SHOC1: variants seen among roughly 807,000 people sequenced by gnomAD.
The protein encoded by SHOC1 is protein shortage in chiasmata 1 ortholog.
In SHOC1, 136 loss-of-function variants were observed where a neutral mutation model predicts 179.2. The ratio of observed to expected loss-of-function variants is 0.76; its 90% confidence interval spans 0.66 to 0.87. The LOEUF is 0.87. Among genes scored for constraint, SHOC1 ranks in the 40% least tolerant of loss-of-function variants. The pLI is 0.00. For synonymous variants in SHOC1, 489 were observed against 586.6 expected (o/e 0.83, Z 2.41); for missense variants, 1,538 against 1,700.8 (o/e 0.90, Z 1.68).
chr9:111,748,233 T>A, intron 8 of SHOC1, 34 bp from the exon 9 acceptor site: 1 of 1,415,896 alleles, frequency 7.1e-7, no homozygotes. Flanking sequence ...TTAGCAAATG[T>A]ACCATTAAAT....
chr9:111,692,258 G>C lies in SHOC1; in HGVS notation c.3719C>G (p.Ser1240Ter). 6.2e-7 allele frequency: 1 copy of C among 1,613,692 alleles called. No individual in the cohort carries two copies. The highest frequency in any genetic ancestry group is 8.5e-7 in the Non-Finnish European group (1 of 1,179,712). ...TGAAGTCACAGGTGGTAAAAAACTT[G>C]AGATTTCTTTTAGTTCCATAATGGA... is the stretch of plus-strand genomic sequence containing the variant. ...NSSIMELKEI[S>*]SFLPPVTSYN... Residue 1240 changes from serine (S) to a stop codon, truncating the protein, a stop_gained, in exon 27 of 28, where the codon TCA becomes TGA. Transcript: ENST00000682961. LOFTEE classifies it high-confidence loss of function.
chr9:111,724,977 C>T (rs951485231), intron 13 of SHOC1, among the ~76,000 whole-genome samples: 1 of 151,802 alleles, frequency 6.6e-6, no homozygotes, highest in Non-Finnish European at 1.5e-5. Context: ...TTTCTTCTTT[C>T]CTAAGTATTA....
At chr9:111,791,332 C>A in intron 2 of SHOC1, 42 bp downstream of exon 2, 1 of 1,204,586 alleles carries the variant, frequency 8.3e-7, no homozygotes, top group South Asian at 2.0e-5. Flanking sequence ...CTTCTTACAT[C>A]ATAATTCTCA....
chr9:111,741,489 T>TG lies in SHOC1; in HGVS notation c.1160dup (p.Phe388IlefsTer27). 1 of 1,607,768 alleles carries TG rather than the reference T, an allele frequency of 6.2e-7. No individual in the cohort carries two copies. Among genetic ancestry groups the TG allele is most frequent in the Non-Finnish European group, 8.5e-7 (1 of 1,175,166 alleles). ...ATTAATCTTTACCTGTAAGCAAAAA[T>TG]GGGTTCAAAGGGCTTCTACATCTTT... is the stretch of plus-strand genomic sequence containing the variant. On this transcript the variant is annotated frameshift_variant, in exon 11 of 28. Coordinates refer to ENST00000682961, the MANE Select transcript of SHOC1 (RefSeq NM_001378211.1). LOFTEE classifies it high-confidence loss of function.
chr9:111,788,732 T>C (rs1836349807), intron 2 of SHOC1, among the ~76,000 whole-genome samples: 1 of 152,254 alleles, frequency 6.6e-6, no homozygotes, highest in South Asian at 2.1e-4. Context: ...TTATTTCCTT[T>C]GTTACAACCA....
Position 111,727,805 on chromosome 9 carries a change from G to T in SHOC1, c.1662C>A (p.Cys554Ter), listed in dbSNP as rs1833370952. The change falls in exon 13 of 28, where the codon TGC becomes TGA. Residue 554 changes from cysteine (C) to a stop codon, truncating the protein, a stop_gained. Transcript: ENST00000682961. LOFTEE classifies it high-confidence loss of function. ...AAGGTGATTTAATAGATGGTCCTGT[G>T]CAGTCAAGTTCAAAGTGATCGTTAT... ...KENNDHFELD[C>*]TGPSIKSPSS... The T allele has an allele frequency of 6.2e-7, 1 of 1,612,796 alleles. No homozygotes were observed. Among genetic ancestry groups the T allele is most frequent in the Admixed American group, 1.7e-5 (1 of 59,902 alleles).
chr9:111,754,983 G>T (rs1163541268), intron 8 of SHOC1, among the ~76,000 whole-genome samples: 1 of 152,186 alleles, frequency 6.6e-6, no homozygotes, highest in African/African-American at 2.4e-5. Flanking sequence ...CAACTTTATT[G>T]CTGTACTAAG....
rs377500619 is a variant in SHOC1, at chr9:111,714,573, A to G, written c.2287T>C (p.Leu763=). The part of the protein sequence containing the change: ...DIYNSILGPY[L]GDIWRQLEIV... ...TCCAGCTGTCTCCAAATGTCACCCAAATAGGGGCCTAAAATGCTGTTGTAG... is the reference window on the plus strand; with the variant it reads ...TCCAGCTGTCTCCAAATGTCACCCAGATAGGGGCCTAAAATGCTGTTGTAG... Residue 763 remains leucine, a synonymous_variant, in exon 17 of 28, where the codon TTG becomes CTG. Coordinates refer to ENST00000682961, the MANE Select transcript of SHOC1 (RefSeq NM_001378211.1). 6 of 1,613,756 alleles carry G rather than the reference A, an allele frequency of 3.7e-6. No individual in the cohort carries two copies. In the African/African-American group the frequency reaches 4.0e-5, roughly 11 times the overall value.
At chr9:111,746,934 A>G (rs1037949796) in intron 9 of SHOC1, among the ~76,000 whole-genome samples, 5 of 152,112 alleles carry the variant, frequency 3.3e-5, no homozygotes, top group African/African-American at 1.2e-4. Context: ...AGAGCTTTAT[A>G]TGTATTAAGG....
chr9:111,769,975 G>GTTTTTTTTTTTTTTTTTT, intron 5 of SHOC1, among the ~76,000 whole-genome samples: 5 of 87,806 alleles, frequency 5.7e-5, no homozygotes, highest in Non-Finnish European at 1.1e-4. Context: ...TTTATCTTCT[G>GTTTTTTTTTTTTTTTTTT]TTTTTTTTTT....
chr9:111,718,240 T>C lies in SHOC1; in HGVS notation c.2180A>G (p.His727Arg), dbSNP rs759972110. ...EMTFKHAALLHLLVTIRDVLL... is the reference protein window; with the variant it reads ...EMTFKHAALLRLLVTIRDVLL... ...GACATCTCTAATTGTTACCAGAAGA[T>C]GTAAGAGAGCGGCATGCTTGAAAGT... The change falls in exon 16 of 28, where the codon CAT (histidine) becomes CGT (arginine). Residue 727 changes from histidine to arginine, a missense_variant. Physicochemically the swap from His to Arg is conservative, Grantham distance 29. Transcript: ENST00000682961. 6.3e-7 allele frequency: 1 copy of C among 1,599,886 alleles called. No homozygotes were observed. Among genetic ancestry groups the C allele is most frequent in the Non-Finnish European group, 8.5e-7 (1 of 1,175,086 alleles).
At chr9:111,747,704 C>G (rs1254881841) in intron 9 of SHOC1, among the ~76,000 whole-genome samples, 1 of 152,134 alleles carries the variant, frequency 6.6e-6, no homozygotes, top group Non-Finnish European at 1.5e-5. Context: ...CCTCAGCCTC[C>G]TGAGTGTCTG....
intron 24 of SHOC1, among the ~76,000 whole-genome samples, chr9:111,699,686 A>G (rs1250216679): frequency 6.6e-6 from 1 of 152,094 alleles, no homozygotes; most frequent in South Asian, 2.1e-4. Flanking sequence ...TAATCAAGGG[A>G]TATTTATTTT....
At chr9:111,745,442 T>C (rs941844915) in intron 10 of SHOC1, among the ~76,000 whole-genome samples, 2 of 152,298 alleles carry the variant, frequency 1.3e-5, no homozygotes, top group Non-Finnish European at 2.9e-5. Context: ...AAAATTCTTA[T>C]GTTGAAGACC....
intron 13 of SHOC1, among the ~76,000 whole-genome samples, 169 bp downstream of exon 13, chr9:111,727,464 T>C (rs1833347654): frequency 6.6e-6 from 1 of 152,180 alleles, no homozygotes; most frequent in South Asian, 2.1e-4. Context: ...TATATATCCA[T>C]ATCTATCTGT....
intron 1 of SHOC1, among the ~76,000 whole-genome samples, chr9:111,794,381 C>T (rs1382388975): frequency 2.0e-5 from 3 of 151,486 alleles, no homozygotes; most frequent in African/African-American, 7.3e-5. Flanking sequence ...GTCAGGAGTT[C>T]GAGACCAGCC....
At chr9:111,737,664 CA>C in intron 12 of SHOC1, among the ~76,000 whole-genome samples, 1 of 47,588 alleles carries the variant, frequency 2.1e-5, no homozygotes, top group Non-Finnish European at 5.3e-5. Flanking sequence ...TGTCTCAAAA[CA>C]AACAAACAAA....
At chr9:111,757,188 C>T (rs1035451670) in intron 7 of SHOC1, among the ~76,000 whole-genome samples, 7 of 152,074 alleles carry the variant, frequency 4.6e-5, no homozygotes, top group Non-Finnish European at 8.8e-5. Flanking sequence ...CTGCAAGCTC[C>T]GCCTCCTGGG....
At chr9:111,703,708 G>A (rs1201009458) in intron 22 of SHOC1, among the ~76,000 whole-genome samples, 173 bp downstream of exon 22, 1 of 152,112 alleles carries the variant, frequency 6.6e-6, no homozygotes, top group African/African-American at 2.4e-5. Context: ...AGGCATCAGA[G>A]AAGTTTGATA....
Sources: gnomAD v4.1 joint callset for allele counts (sites outside exome capture counted in the v4.1 genomes callset) on GRCh38, gnomAD v4.1.1 for gene constraint, MANE v1.5 for transcripts, NCBI Gene and HGNC (gene_info 2026-07-23, HGNC 2026-07-21) for gene names.